SLC2A9: variants seen among roughly 807,000 people sequenced by gnomAD.
SLC2A9 encodes the protein solute carrier family 2, facilitated glucose transporter member 9.
SLC2A9 carries 39 observed loss-of-function variants against 50.6 expected under a neutral mutation model. The ratio of observed to expected loss-of-function variants is 0.77; its 90% CI spans 0.60 to 1.01. The LOEUF is 1.01. Ranked by LOEUF, SLC2A9 falls within the 50% of genes least tolerant of loss-of-function variation. The pLI, the probability that SLC2A9 is intolerant of heterozygous loss-of-function variation, is 0.00. For missense variants in SLC2A9, 686 were observed against 677.6 expected, an observed-to-expected ratio of 1.01 and a Z score of -0.14; for synonymous variants, 324 against 276.9, an observed-to-expected ratio of 1.17 and a Z score of -1.69.
chr4:9,840,251 GT>G (rs1727828253), intron 10 of SLC2A9, among the ~76,000 whole-genome samples: 2 of 152,120 alleles, frequency 1.3e-5, no homozygotes, highest in Admixed American at 6.6e-5. Context: ...TATCTTCATA[GT>G]TTTATCTGAA....
At chr4:9,835,103 C>T (rs949499667) in intron 10 of SLC2A9, 95 bp from the exon 11 acceptor site, 3 of 1,574,012 alleles carry the variant, frequency 1.9e-6, no homozygotes, top group African/African-American at 1.3e-5. Context: ...AACCCCCCCA[C>T]CCCTGCCCCT....
In SLC2A9 at chr4:9,954,737, G is replaced by T. The variant is rs548661914; in HGVS notation, c.682-12692C>A. ...TGACCCCTGATGAGTAAAAGAGGTA[G>T]TGTCTGACCCCTGCCTCTGTTATAG... On this transcript the variant is annotated intron_variant, in intron 5 of 11. Coordinates refer to ENST00000264784, the MANE Select transcript of SLC2A9 (RefSeq NM_020041.3). Among the ~76,000 whole-genome samples, 5 of 152,282 alleles carry T rather than the reference G, an allele frequency of 3.3e-5. No individual in the cohort carries two copies. The East Asian group carries it at 9.7e-4, about 29-fold the overall frequency.
At chr4:9,850,758 C>T (rs1235065754) in intron 10 of SLC2A9, among the ~76,000 whole-genome samples, 1 of 152,146 alleles carries the variant, frequency 6.6e-6, no homozygotes. Context: ...GTGAGTGGAC[C>T]TTGCCTCCCT....
intron 11 of SLC2A9, among the ~76,000 whole-genome samples, chr4:9,832,177 T>C (rs1012510561): frequency 6.6e-6 from 1 of 152,122 alleles, no homozygotes; most frequent in Non-Finnish European, 1.5e-5. Flanking sequence ...AGGTCAGAAA[T>C]GGTTCACGTA....
chr4:9,996,700 T>C, intron 3 of SLC2A9, 81 bp downstream of exon 3: 3 of 1,535,724 alleles, frequency 2.0e-6, no homozygotes, highest in Non-Finnish European at 2.7e-6. Context: ...GGAGTTCTGT[T>C]GCCTGTCAGG....
At chr4:9,791,611 C>A (rs188957884) in intron 3 of SLC2A9, among the ~76,000 whole-genome samples, 60 of 152,268 alleles carry the variant, frequency 3.9e-4, no homozygotes, top group African/African-American at 1.3e-3. Context: ...TAGAAGCCAG[C>A]AGTCACGTTG....
downstream of SLC2A9, among the ~76,000 whole-genome samples, chr4:9,825,279 G>A (rs1724955232): frequency 6.6e-6 from 1 of 152,224 alleles, no homozygotes; most frequent in South Asian, 2.1e-4. Context: ...TAGCATGTAA[G>A]AGTTAGAAGA....
chr4:9,825,753 A>G (rs1725037729), downstream of SLC2A9, among the ~76,000 whole-genome samples: 1 of 152,178 alleles, frequency 6.6e-6, no homozygotes, highest in Non-Finnish European at 1.5e-5. Flanking sequence ...TTCCTGGAAC[A>G]CAGTTTGGGA....
intron 10 of SLC2A9, among the ~76,000 whole-genome samples, chr4:9,857,751 G>T (rs1366561803): frequency 1.3e-5 from 2 of 152,208 alleles, no homozygotes; most frequent in Non-Finnish European, 2.9e-5. Context: ...GCCTGGCCCT[G>T]CCTGACTCAG....
chr4:9,932,194 G>GT (rs1746275777), intron 6 of SLC2A9, among the ~76,000 whole-genome samples: 1 of 151,374 alleles, frequency 6.6e-6, no homozygotes, highest in African/African-American at 2.4e-5. Flanking sequence ...CCCACAGCAA[G>GT]TAAGTCTCCA....
At chr4:9,964,508 G>A (rs149020917) in intron 5 of SLC2A9, among the ~76,000 whole-genome samples, 10 of 152,132 alleles carry the variant, frequency 6.6e-5, no homozygotes, top group African/African-American at 1.9e-4. Flanking sequence ...TGCCTGGGTC[G>A]TGCCCCGAAA....
At chr4:9,912,146 G>A (rs184925540) in intron 7 of SLC2A9, among the ~76,000 whole-genome samples, 2 of 152,138 alleles carry the variant, frequency 1.3e-5, no homozygotes, top group African/African-American at 2.4e-5. Flanking sequence ...GTTCTGGGGT[G>A]GGGGGAGCGG....
rs901750491 is a variant in SLC2A9 at position 9,958,869 on chromosome 4, T to A, written c.682-16824A>T. Among the ~76,000 whole-genome samples the A allele has an allele frequency of 3.2e-5, 4 of 125,984 alleles. No individual in the cohort carries two copies. In the Admixed American group the frequency reaches 3.2e-4, roughly 10 times the overall value. 82.7% of individuals were successfully genotyped at this position (125,984 alleles called of 152,430 possible). On this transcript the variant is annotated intron_variant, in intron 5 of 11. Coordinates refer to ENST00000264784, the MANE Select transcript of SLC2A9 (RefSeq NM_020041.3). ...ATTTTGTAAATTTATTACCAGGTGT[T>A]TAATGTTGGAGAATTTGAAAAAAAT...
chr4:9,901,536 T>G (rs528106632), intron 8 of SLC2A9, among the ~76,000 whole-genome samples: 63 of 152,290 alleles, frequency 4.1e-4, no homozygotes, highest in Middle Eastern at 6.8e-3. Context: ...AAGCATGACC[T>G]GGCACTCTCC....
chr4:9,775,023 C>T (rs1279820102), downstream of SLC2A9, among the ~76,000 whole-genome samples: 1 of 152,178 alleles, frequency 6.6e-6, no homozygotes, highest in Non-Finnish European at 1.5e-5. Flanking sequence ...TTGCACACCT[C>T]GGTGGACCAC....
intron 7 of SLC2A9, among the ~76,000 whole-genome samples, chr4:9,911,558 C>T (rs1019281628): frequency 7.2e-5 from 11 of 152,196 alleles, no homozygotes; most frequent in Admixed American, 5.9e-4. Flanking sequence ...ACTCTGTTCT[C>T]GCAGGTTGCC....
At chr4:9,843,200 A>C (rs180864691) in intron 10 of SLC2A9, among the ~76,000 whole-genome samples, 1 of 152,270 alleles carries the variant, frequency 6.6e-6, no homozygotes, top group African/African-American at 2.4e-5. Flanking sequence ...TCTGTCTGAG[A>C]ATCACAAAGG....
chr4:9,907,999 C>T (rs1385078082), intron 8 of SLC2A9, among the ~76,000 whole-genome samples: 2 of 152,178 alleles, frequency 1.3e-5, no homozygotes, highest in South Asian at 2.1e-4. Flanking sequence ...AATTGTCGCT[C>T]TTCAGTACCC....
intron 2 of SLC2A9, among the ~76,000 whole-genome samples, chr4:9,997,814 T>A (rs1758991964): frequency 6.6e-6 from 1 of 150,610 alleles, no homozygotes; most frequent in East Asian, 1.9e-4. Flanking sequence ...ATAATCAAGA[T>A]TAACATCTTC....
Sources: gnomAD v4.1 joint callset for allele counts (sites outside exome capture counted in the v4.1 genomes callset) on GRCh38, gnomAD v4.1.1 for gene constraint, MANE v1.5 for transcripts, NCBI Gene and HGNC (gene_info 2026-07-23, HGNC 2026-07-21) for gene names.